SUN5: variants seen among roughly 807,000 people sequenced by gnomAD.
The protein encoded by SUN5 is Sad1 and UNC84 domain containing 5.
A neutral mutation model predicts 53.7 loss-of-function variants in SUN5; 44 were observed. The ratio of observed to expected loss-of-function variants is 0.82; its 90% confidence interval spans 0.64 to 1.05. The LOEUF (loss-of-function observed/expected upper bound fraction) is 1.05. SUN5 is among the 50% of genes least tolerant of loss of function. The probability of loss-of-function intolerance (pLI) is 0.00; values close to 1 mark genes in which losing one functional copy is unlikely to be tolerated. For missense variants in SUN5, 433 were observed against 483.8 expected, an observed-to-expected ratio of 0.90 and a Z score of 0.98; for synonymous variants, 166 against 179.8, an observed-to-expected ratio of 0.92 and a Z score of 0.62.
At chr20:33,001,349 C>A (rs921000939) in intron 3 of SUN5, 71 bp from the exon 4 acceptor site, 1 of 1,525,090 alleles carries the variant, frequency 6.6e-7, no homozygotes. Flanking sequence ...ACCTGCTGAC[C>A]TTTCTGGGGC....
intron 10 of SUN5, among the ~76,000 whole-genome samples, chr20:32,986,953 G>T (rs1989561806): frequency 6.6e-6 from 1 of 152,214 alleles, no homozygotes; most frequent in Non-Finnish European, 1.5e-5. Flanking sequence ...GCTGAGCAAG[G>T]CCAATGCCCC....
rs185858688 is a variant in SUN5 at position 33,000,347 on chromosome 20, G to A, written c.279-212C>T. Among the ~76,000 whole-genome samples, 9 of 152,354 alleles carry A rather than the reference G, an allele frequency of 5.9e-5. No homozygotes were observed. In the East Asian group the frequency reaches 1.5e-3, roughly 26 times the overall value. ...CTCCCAACCCTGTGAACTTGGCAAT[G>A]TTTTGGTGCCTGCCTTTCCCACCTG... On this transcript the variant is annotated intron_variant, in intron 4 of 12. Coordinates refer to ENST00000356173, the MANE Select transcript of SUN5 (RefSeq NM_080675.4).
At position 33,000,120 on chromosome 20, in the gene SUN5, G is replaced by C. The variant is rs757259651; in HGVS notation, c.294C>G (p.Cys98Trp). 3 of 1,605,588 alleles carry C rather than the reference G, an allele frequency of 1.9e-6. No homozygotes were observed. Among genetic ancestry groups the C allele is most frequent in the Non-Finnish European group, 2.5e-6 (3 of 1,177,206 alleles). ...TGCCTGTCTTCTCCATGAGCTTCTG[G>C]CACAGCAGCTTGCATCTGGAAGGCA... ...LFNTCRCKLL[C>W]QKLMEKTGIL... Residue 98 changes from cysteine to tryptophan, a missense_variant, in exon 5 of 13, where the codon TGC becomes TGG. Cys to Trp is a radical substitution (Grantham distance 215). Coordinates refer to ENST00000356173, the MANE Select transcript of SUN5 (RefSeq NM_080675.4).
chr20:33,000,195 C>G, intron 4 of SUN5, 60 bp from the exon 5 acceptor site: 1 of 1,532,242 alleles, frequency 6.5e-7, no homozygotes, highest in East Asian at 2.3e-5. Context: ...AGTGTTCACC[C>G]TCCTCCTCGT....
chr20:33,001,202 C>T lies in SUN5; in HGVS notation c.278+10G>A, dbSNP rs1427811520. 1 of 1,567,184 alleles carries T rather than the reference C, an allele frequency of 6.4e-7. No homozygotes were observed. The stretch of plus-strand genomic sequence containing the variant: ...TCCCCATCCACCCTCCCCCTGCCTT[C>T]CCTGCTCACCTGCACGTGTTAAACA... On this transcript the variant is annotated intron_variant, in intron 4 of 12. Coordinates refer to ENST00000356173, the MANE Select transcript of SUN5 (RefSeq NM_080675.4).
At chr20:33,000,435 A>C (rs753357239) in intron 4 of SUN5, among the ~76,000 whole-genome samples, 3 of 152,360 alleles carry the variant, frequency 2.0e-5, no homozygotes, top group Non-Finnish European at 4.4e-5. Context: ...AAAACATTTA[A>C]AATTTAAACT....
In SUN5 at chr20:32,998,701, G is replaced by C. The variant is rs553475182; in HGVS notation, c.341-1014C>G. On this transcript the variant is annotated intron_variant, in intron 5 of 12. Coordinates refer to ENST00000356173, the MANE Select transcript of SUN5 (RefSeq NM_080675.4). ...AGTTCTATTTAACATGGTACTGGAG[G>C]TTCTAGCCAGGCCAGTTAGTCAAGA... is the stretch of plus-strand genomic sequence containing the variant. Among the ~76,000 whole-genome samples, 4 of 152,048 alleles carry C rather than the reference G, an allele frequency of 2.6e-5. No individual in the cohort carries two copies. The South Asian group carries it at 8.3e-4, about 32-fold the overall frequency.
intron 5 of SUN5, among the ~76,000 whole-genome samples, chr20:32,998,175 C>CA (rs35729664): frequency 0.099 from 5,922 of 59,710 alleles, 431 homozygotes; most frequent in Non-Finnish European, 0.12. Context: ...CCCATCTCTA[C>CA]AAAAAAAAAA....
At chr20:32,990,672 C>T (rs1380597459) in intron 8 of SUN5, among the ~76,000 whole-genome samples, 3 of 152,190 alleles carry the variant, frequency 2.0e-5, no homozygotes, top group African/African-American at 4.8e-5. Context: ...GATCAACAGC[C>T]GTAACTGAGT....
intron 5 of SUN5, among the ~76,000 whole-genome samples, chr20:32,998,852 C>A (rs1319013883): frequency 1.1e-4 from 16 of 141,748 alleles, no homozygotes; most frequent in East Asian, 2.0e-4. Flanking sequence ...TCAATCTCTC[C>A]AAAAAAAAAA....
chr20:32,997,670 T>C lies in SUN5; in HGVS notation c.358A>G (p.Ile120Val), dbSNP rs35216976. The C allele has an allele frequency of 6.4e-4, 1,037 of 1,613,952 alleles. 6 individuals are homozygous for C. The African/African-American group carries it at 0.011, about 18-fold the overall frequency. The change falls in exon 6 of 13, where the codon ATT becomes GTT. Residue 120 changes from isoleucine to valine, a missense_variant. Coordinates refer to ENST00000356173, the MANE Select transcript of SUN5 (RefSeq NM_080675.4). Reference protein sequence around the residue: ...LCAFGFWMFSIHLPSKMKVWQ... With the variant: ...LCAFGFWMFSVHLPSKMKVWQ... ...ACTTTCATTTTCGATGGTAAGTGAATAGAAAACATCCAGAATCCTGTGAGG... is the reference window on the plus strand; with the variant it reads ...ACTTTCATTTTCGATGGTAAGTGAACAGAAAACATCCAGAATCCTGTGAGG...
chr20:33,002,925 G>T lies in SUN5; in HGVS notation c.78-6C>A, dbSNP rs1990092614. ...TCCGGCCTCGCTGGGCAATCCTGGG[G>T]ATGATAAGATTCATAGTCGCATTTT... On this transcript the variant is annotated splice_polypyrimidine_tract_variant and splice_region_variant and intron_variant, in intron 1 of 12. Transcript: ENST00000356173. 1.9e-6 allele frequency: 3 copies of T among 1,613,990 alleles called. No individual in the cohort carries two copies. The highest frequency in any genetic ancestry group is 3.3e-5 in the Admixed American group (2 of 59,998).
At chr20:33,002,193 AGAT>A (rs1990067727) in intron 3 of SUN5, among the ~76,000 whole-genome samples, 1 of 152,140 alleles carries the variant, frequency 6.6e-6, no homozygotes, top group South Asian at 2.1e-4. Flanking sequence ...ATCAGGAGAT[AGAT>A]GAGAGAATGG....
intron 3 of SUN5, among the ~76,000 whole-genome samples, chr20:33,001,643 C>CTCCCTCCCTCCCTCCT (rs1990042035): frequency 1.0e-5 from 1 of 97,058 alleles, no homozygotes; most frequent in Admixed American, 1.0e-4. Flanking sequence ...CTTTCTTTTC[C>CTCCCTCCCTCCCTCCT]TCCCTCCCTC....
rs777403542 is a variant in SUN5 at position 32,995,746 on chromosome 20, TAAC to T, written c.426-22_426-20del. 10 of 1,608,038 alleles carry T rather than the reference TAAC, an allele frequency of 6.2e-6. No individual in the cohort carries two copies. In the Admixed American group the frequency reaches 1.7e-4, roughly 27 times the overall value. On this transcript the variant is annotated intron_variant, in intron 7 of 12. Transcript: ENST00000356173. ...GTACAACCTTATCAGGAAGGAGTGA[TAAC>T]AAGAACAGGTTGATTTGTGATGCGT...
chr20:32,986,412 A>T (rs917375805), intron 10 of SUN5, among the ~76,000 whole-genome samples: 14 of 152,306 alleles, frequency 9.2e-5, no homozygotes, highest in African/African-American at 3.1e-4. Context: ...AGACGGGGAA[A>T]CAGGCCCAGG....
intron 8 of SUN5, among the ~76,000 whole-genome samples, chr20:32,993,475 C>T (rs1989759116): frequency 6.6e-6 from 1 of 152,206 alleles, no homozygotes; most frequent in Non-Finnish European, 1.5e-5. Context: ...TTAATGGTGA[C>T]AAAGAGCTAA....
At chr20:33,001,428 G>A in intron 3 of SUN5, 150 bp from the exon 4 acceptor site, 1 of 824,858 alleles carries the variant, frequency 1.2e-6, no homozygotes, top group Admixed American at 2.1e-5. Flanking sequence ...ACCAGGCTCT[G>A]CTTATGGGTA....
chr20:32,998,077 G>C (rs770742332), intron 5 of SUN5, among the ~76,000 whole-genome samples: 14 of 138,202 alleles, frequency 1.0e-4, no homozygotes, highest in Admixed American at 1.7e-4. Context: ...GGTGGCTCAC[G>C]CCCATAATCC....
Sources: gnomAD v4.1 joint callset for allele counts (sites outside exome capture counted in the v4.1 genomes callset) on GRCh38, gnomAD v4.1.1 for gene constraint, MANE v1.5 for transcripts, NCBI Gene and HGNC (gene_info 2026-07-23, HGNC 2026-07-21) for gene names.